SLC17A6: variants seen among roughly 807,000 people sequenced by gnomAD.
SLC17A6 encodes solute carrier family 17 member 6.
Under a neutral mutation model 67.1 loss-of-function variants are expected in SLC17A6, and 35 were observed. That is an observed-to-expected ratio of 0.52 (90% CI 0.40 to 0.69). The LOEUF is 0.69. Among genes scored for constraint, SLC17A6 ranks in the 30% least tolerant of loss-of-function variants. The pLI is 0.00. For missense variants in SLC17A6, 588 were observed against 723.9 expected, an observed-to-expected ratio of 0.81 and a Z score of 2.15; for synonymous variants, 285 against 252.3, an observed-to-expected ratio of 1.13 and a Z score of -1.23.
chr11:22,360,145 C>T (rs569940904), intron 4 of SLC17A6, among the ~76,000 whole-genome samples: 2 of 150,930 alleles, frequency 1.3e-5, no homozygotes, highest in Non-Finnish European at 1.5e-5. Flanking sequence ...ACTATGCAGT[C>T]ATAAAAAGGA....
At chr11:22,346,168 G>T (rs1168252954) in intron 3 of SLC17A6, among the ~76,000 whole-genome samples, 2 of 152,134 alleles carry the variant, frequency 1.3e-5, no homozygotes, top group African/African-American at 4.8e-5. Flanking sequence ...GTGTAAAAGA[G>T]TCTCACTTTG....
chr11:22,370,592 A>G (rs555545891), intron 8 of SLC17A6, among the ~76,000 whole-genome samples: 184 of 152,276 alleles, frequency 1.2e-3, no homozygotes, highest in African/African-American at 4.2e-3. Context: ...TTATTCTTCA[A>G]TGCTCTTAGA....
Position 22,367,752 on chromosome 11 carries a change from A to AC in SLC17A6, c.891+2067dup, listed in dbSNP as rs1389578234. Reference sequence around the variant, plus strand: ...AAGTAAAAACTAATTCCTACAAATGACCCCAGAAAGAACAGCAGGAGAATG... The same window carrying AC: ...AAGTAAAAACTAATTCCTACAAATGACCCCCAGAAAGAACAGCAGGAGAATG... On this transcript the variant is annotated intron_variant, in intron 7 of 11. Transcript: ENST00000263160. Among the ~76,000 whole-genome samples, 3 of 152,292 alleles carry AC rather than the reference A, an allele frequency of 2.0e-5. No individual in the cohort carries two copies. In the East Asian group the frequency reaches 5.8e-4, roughly 29 times the overall value.
chr11:22,351,409 C>T (rs1855937097), intron 3 of SLC17A6, among the ~76,000 whole-genome samples: 1 of 152,054 alleles, frequency 6.6e-6, no homozygotes, highest in Admixed American at 6.6e-5. Context: ...ACACTCTTCT[C>T]TTTTGGAGTC....
At chr11:22,360,579 T>G in intron 4 of SLC17A6, among the ~76,000 whole-genome samples, 1 of 140,254 alleles carries the variant, frequency 7.1e-6, no homozygotes, top group Non-Finnish European at 1.5e-5. Context: ...AGACTAATAA[T>G]TTTAAAGGTC....
intron 9 of SLC17A6, 89 bp from the exon 10 acceptor site, chr11:22,375,893 G>A (rs1856227320): frequency 5.3e-6 from 4 of 753,982 alleles, no homozygotes; most frequent in Non-Finnish European, 8.9e-6. Flanking sequence ...GAATTTCTAG[G>A]TCAATAAGTT....
chr11:22,361,223 A>T (rs1310658531), intron 5 of SLC17A6: 1 of 419,638 alleles, frequency 2.4e-6, no homozygotes, highest in African/African-American at 2.0e-5. Context: ...TAGGATTTCA[A>T]ATATATTCAT....
chr11:22,376,145 G>A, intron 10 of SLC17A6, 53 bp downstream of exon 10: 2 of 1,224,884 alleles, frequency 1.6e-6, no homozygotes, highest in East Asian at 2.3e-5. Flanking sequence ...TTTGACTGCT[G>A]ATAAAAGACA....
chr11:22,368,632 AG>A (rs1856139435), intron 7 of SLC17A6, among the ~76,000 whole-genome samples: 1 of 152,098 alleles, frequency 6.6e-6, no homozygotes, highest in African/African-American at 2.4e-5. Context: ...TTTGCCCAAC[AG>A]GGAAAAGTTC....
intron 2 of SLC17A6, among the ~76,000 whole-genome samples, chr11:22,342,602 G>A (rs185377214): frequency 6.6e-6 from 1 of 152,208 alleles, no homozygotes; most frequent in African/African-American, 2.4e-5. Context: ...GGCTGCTCAG[G>A]GCGGAATTAG....
intron 3 of SLC17A6, among the ~76,000 whole-genome samples, chr11:22,353,754 C>A (rs1456671820): frequency 6.6e-6 from 1 of 152,236 alleles, no homozygotes; most frequent in Non-Finnish European, 1.5e-5. Flanking sequence ...CCTCTACCCT[C>A]TATAACAAAA....
intron 11 of SLC17A6, among the ~76,000 whole-genome samples, 155 bp downstream of exon 11, chr11:22,376,827 T>C (rs1856237564): frequency 6.6e-6 from 1 of 152,202 alleles, no homozygotes; most frequent in Non-Finnish European, 1.5e-5. Context: ...CAGAATACAG[T>C]ATCTTTTTAA....
At chr11:22,370,970 GT>G (rs1856169333) in intron 8 of SLC17A6, among the ~76,000 whole-genome samples, 1 of 152,004 alleles carries the variant, frequency 6.6e-6, no homozygotes, top group African/African-American at 2.4e-5. Context: ...AACAACCTTT[GT>G]TGTTTGACCT....
intron 11 of SLC17A6, 143 bp downstream of exon 11, chr11:22,376,815 C>A (rs1856237473): frequency 1.2e-6 from 1 of 805,482 alleles, no homozygotes; most frequent in Non-Finnish European, 2.0e-6. Context: ...ATAAATGAGG[C>A]TCAGAATACA....
At chr11:22,343,471 C>G (rs2133858745) in intron 3 of SLC17A6, 106 bp downstream of exon 3, 1 of 898,670 alleles carries the variant, frequency 1.1e-6, no homozygotes, top group South Asian at 1.7e-5. Flanking sequence ...TTGAGGACTC[C>G]CGGGCGAAGT....
At chr11:22,362,554 A>G (rs1476506437) in intron 5 of SLC17A6, among the ~76,000 whole-genome samples, 185 bp from the exon 6 acceptor site, 1 of 152,076 alleles carries the variant, frequency 6.6e-6, no homozygotes, top group Non-Finnish European at 1.5e-5. Flanking sequence ...CACTTGTGTA[A>G]TCCCGTGTTC....
Position 22,375,982 on chromosome 11 carries a change from G to C in SLC17A6, c.1175G>C (p.Gly392Ala). 1 of 1,598,274 alleles carries C rather than the reference G, an allele frequency of 6.3e-7. No individual in the cohort carries two copies. Among genetic ancestry groups the C allele is most frequent in the Non-Finnish European group, 8.5e-7 (1 of 1,171,780 alleles). The change falls in exon 10 of 12, where the codon GGT (glycine) becomes GCT (alanine). Residue 392 changes from glycine (G) to alanine (A), a missense_variant and splice_region_variant. By Grantham distance (60) the Gly-to-Ala change is moderately conservative. Coordinates refer to ENST00000263160, the MANE Select transcript of SLC17A6 (RefSeq NM_020346.3). ...AATTTCTATGTGTTTGCTTCTGAAG[G>C]TTTTGGCATGGAAGCCACACTGCTC... is the stretch of plus-strand genomic sequence containing the variant. ...TTVRKIMNCG[G>A]FGMEATLLLV...
chr11:22,346,464 A>T (rs1343541667), intron 3 of SLC17A6, among the ~76,000 whole-genome samples: 3 of 152,176 alleles, frequency 2.0e-5, no homozygotes, highest in Non-Finnish European at 4.4e-5. Context: ...GAGTAAACCC[A>T]GTCTCAGAGG....
At chr11:22,366,014 T>TA (rs67098811) in intron 7 of SLC17A6, among the ~76,000 whole-genome samples, 2 of 152,186 alleles carry the variant, frequency 1.3e-5, no homozygotes, top group African/African-American at 4.8e-5. Context: ...CATTTTACGT[T>TA]AAAAAAATCC....
Sources: gnomAD v4.1 joint callset for allele counts (sites outside exome capture counted in the v4.1 genomes callset) on GRCh38, gnomAD v4.1.1 for gene constraint, MANE v1.5 for transcripts, NCBI Gene and HGNC (gene_info 2026-07-23, HGNC 2026-07-21) for gene names.